GSG1: variants seen among roughly 807,000 people sequenced by gnomAD.
GSG1 encodes the protein germ cell-specific gene 1 protein.
A neutral mutation model predicts 30.8 loss-of-function variants in GSG1; 28 were observed. The observed-to-expected ratio is 0.91, with a 90% CI of 0.67 to 1.25. GSG1 has a LOEUF of 1.25. Among genes scored for constraint, GSG1 ranks in the 50% most tolerant of loss-of-function variants. The pLI is 0.00. For synonymous variants in GSG1, 162 were observed against 178.0 expected (o/e 0.91, Z 0.71); for missense variants, 435 against 444.7 (o/e 0.98, Z 0.20).
chr12:13,089,390 T>C (rs1187859756), intron 2 of GSG1, 114 bp from the exon 3 acceptor site: 2 of 1,516,290 alleles, frequency 1.3e-6, no homozygotes, highest in East Asian at 2.5e-5. Flanking sequence ...TGTTCATGAT[T>C]CTGGGCATTA....
intron 2 of GSG1, among the ~76,000 whole-genome samples, chr12:13,089,916 G>C (rs1413060390): frequency 1.3e-5 from 2 of 152,156 alleles, no homozygotes; most frequent in African/African-American, 4.8e-5. Flanking sequence ...GGGTATGGTG[G>C]CACATGCCTG....
chr12:13,084,234 G>A lies in GSG1; in HGVS notation c.*667C>T, dbSNP rs980891652. 6.6e-6 allele frequency: 1 copy of A among 152,160 alleles called. No individual in the cohort carries two copies. Among genetic ancestry groups the A allele is most frequent in the African/African-American group, 2.4e-5 (1 of 41,418 alleles). The allele number at this position is 152,160 out of a possible 1,614,324, so 9.4% of individuals were successfully genotyped here. ...GTCCCTGGTGTGACTGTCCAGAAGG[G>A]AACCACAGTCCAATCTGAATAGCCT... On this transcript the variant is annotated 3_prime_UTR_variant, in exon 7 of 7. Coordinates refer to ENST00000651961, the MANE Select transcript of GSG1 (RefSeq NM_001080555.4).
At chr12:13,092,982 G>A (rs1866299719) in intron 1 of GSG1, among the ~76,000 whole-genome samples, 1 of 151,502 alleles carries the variant, frequency 6.6e-6, no homozygotes, top group Non-Finnish European at 1.5e-5. Flanking sequence ...TTTTAGTAGA[G>A]ACGGGGTTTC....
intron 1 of GSG1, among the ~76,000 whole-genome samples, chr12:13,095,225 G>T (rs1866561024): frequency 6.6e-6 from 1 of 152,146 alleles, no homozygotes; most frequent in Non-Finnish European, 1.5e-5. Flanking sequence ...GCTAGGGTCG[G>T]GATACCTCTT....
chr12:13,095,754 G>T, intron 1 of GSG1: 1 of 1,541,318 alleles, frequency 6.5e-7, no homozygotes, highest in Non-Finnish European at 8.7e-7. Context: ...ATATTCTTTG[G>T]AGTGCCTCAT....
chr12:13,084,962 C>T lies in GSG1; in HGVS notation c.1028G>A (p.Arg343Lys), dbSNP rs1324076788. 6.4e-7 allele frequency: 1 copy of T among 1,551,932 alleles called. No individual in the cohort carries two copies. The highest frequency in any genetic ancestry group is 2.0e-5 in the Admixed American group (1 of 51,020). The change falls in exon 7 of 7, where the codon AGA becomes AAA. Residue 343 changes from arginine (R) to lysine (K), a missense_variant. Arg to Lys is a conservative substitution (Grantham distance 26). Transcript: ENST00000651961. Reference sequence around the variant, plus strand: ...TTCTTTCAGCTCCTGGCTGGCCCCTCTTTGAAATCCCTTGTTCCGCAGCTC... The same window carrying T: ...TTCTTTCAGCTCCTGGCTGGCCCCTTTTTGAAATCCCTTGTTCCGCAGCTC... Reference protein sequence around the residue: ...YSELRNKGFQRGASQELKEAV... With the variant: ...YSELRNKGFQKGASQELKEAV...
At chr12:13,092,346 C>A (rs1866232866) in intron 1 of GSG1, among the ~76,000 whole-genome samples, 1 of 152,134 alleles carries the variant, frequency 6.6e-6, no homozygotes, top group Non-Finnish European at 1.5e-5. Context: ...GCAGCCACTA[C>A]CTGGAGTTCT....
At chr12:13,091,397 A>G (rs547149128) in intron 1 of GSG1, among the ~76,000 whole-genome samples, 6 of 152,238 alleles carry the variant, frequency 3.9e-5, no homozygotes, top group Non-Finnish European at 8.8e-5. Context: ...TCCCCACTCA[A>G]TCTATTAACA....
chr12:13,084,932 A>G lies in GSG1; in HGVS notation c.1058T>C (p.Val353Ala). The G allele has an allele frequency of 6.4e-7, 1 of 1,551,474 alleles. No individual in the cohort carries two copies. Among genetic ancestry groups the G allele is most frequent in the South Asian group, 1.2e-5 (1 of 84,016 alleles). The change falls in exon 7 of 7, where the codon GTT (valine) becomes GCT (alanine). Residue 353 changes from valine (V) to alanine (A), a missense_variant. By Grantham distance (64) the Val-to-Ala change is moderately conservative. Coordinates refer to ENST00000651961, the MANE Select transcript of GSG1 (RefSeq NM_001080555.4). ...RGASQELKEAVRSSVEEEQC is the reference protein window; with the variant it reads ...RGASQELKEAARSSVEEEQC The stretch of plus-strand genomic sequence containing the variant: ...CTGCTCTTCCTCTACAGATGACCTA[A>G]CTGCTTCTTTCAGCTCCTGGCTGGC...
At chr12:13,097,608 T>A (rs1181926884) in intron 1 of GSG1, among the ~76,000 whole-genome samples, 1 of 152,184 alleles carries the variant, frequency 6.6e-6, no homozygotes, top group African/African-American at 2.4e-5. Context: ...TCGTTCTCAG[T>A]TCTGATGAAC....
At chr12:13,092,379 G>C (rs567741472) in intron 1 of GSG1, among the ~76,000 whole-genome samples, 2 of 152,308 alleles carry the variant, frequency 1.3e-5, no homozygotes, top group South Asian at 4.1e-4. Context: ...TTGAGCGAGA[G>C]AGAGAGAAGG....
At chr12:13,102,648 A>G (rs1863297559) in intron 1 of GSG1, among the ~76,000 whole-genome samples, 1 of 152,280 alleles carries the variant, frequency 6.6e-6, no homozygotes, top group Non-Finnish European at 1.5e-5. Flanking sequence ...TCAACAACAT[A>G]CCACATTGCT....
At chr12:13,088,218 C>A (rs1865729511) in intron 4 of GSG1, among the ~76,000 whole-genome samples, 159 bp from the exon 5 acceptor site, 1 of 152,182 alleles carries the variant, frequency 6.6e-6, no homozygotes, top group Non-Finnish European at 1.5e-5. Flanking sequence ...TACTTCATTT[C>A]TAGTCCTTTG....
In GSG1 at chr12:13,085,059, G is replaced by T; in HGVS notation, c.931C>A (p.Pro311Thr). ...RLSSAAPTVG[P>T]LTSYHQYHNQ... ...TGATACTGGTGGTAGCTGGTCAAAGGACCCACGGTGGGGGCTGCACTTGAC... is the reference window on the plus strand; with the variant it reads ...TGATACTGGTGGTAGCTGGTCAAAGTACCCACGGTGGGGGCTGCACTTGAC... The change falls in exon 7 of 7, where the codon CCT (proline) becomes ACT (threonine). Residue 311 changes from proline (P) to threonine (T), a missense_variant. By Grantham distance (38) the Pro-to-Thr change is conservative. Transcript: ENST00000651961. The T allele has an allele frequency of 6.2e-7, 1 of 1,603,706 alleles. No homozygotes were observed. The highest frequency in any genetic ancestry group is 8.5e-7 in the Non-Finnish European group (1 of 1,174,560).
At position 13,088,921 on chromosome 12, in the gene GSG1, A is replaced by G; in HGVS notation, c.434-12T>C. 1 of 1,613,976 alleles carries G rather than the reference A, an allele frequency of 6.2e-7. No individual in the cohort carries two copies. The highest frequency in any genetic ancestry group is 8.5e-7 in the Non-Finnish European group (1 of 1,179,904). On this transcript the variant is annotated splice_polypyrimidine_tract_variant and intron_variant, in intron 3 of 6. Coordinates refer to ENST00000651961, the MANE Select transcript of GSG1 (RefSeq NM_001080555.4). ...TCGGCACCTCTCCCCTGAAACATAC[A>G]AGGTACAACGTCATGGAGCTACTCC... is the stretch of plus-strand genomic sequence containing the variant.
At chr12:13,099,750 G>T (rs4583066) in intron 1 of GSG1, among the ~76,000 whole-genome samples, 11,659 of 114,514 alleles carry the variant, frequency 0.1, 652 homozygotes, top group East Asian at 0.27. Flanking sequence ...GTTTTTTTTT[G>T]TTTTTTTTTT....
chr12:13,087,590 T>C (rs1334584075), intron 5 of GSG1, among the ~76,000 whole-genome samples: 1 of 152,208 alleles, frequency 6.6e-6, no homozygotes, highest in Non-Finnish European at 1.5e-5. Context: ...TATATGTGCA[T>C]CTTTCACTTT....
intron 1 of GSG1, among the ~76,000 whole-genome samples, chr12:13,100,619 C>A (rs1863127409): frequency 6.6e-6 from 1 of 152,216 alleles, no homozygotes; most frequent in South Asian, 2.1e-4. Context: ...AACTTCTGAG[C>A]TTTTGCTGCT....
At chr12:13,092,243 A>ATGTG (rs909560122) in intron 1 of GSG1, among the ~76,000 whole-genome samples, 2 of 113,112 alleles carry the variant, frequency 1.8e-5, no homozygotes, top group African/African-American at 5.8e-5. Context: ...GGGAGGATGT[A>ATGTG]TGTGTGTGTG....
Sources: allele counts gnomAD v4.1 joint callset (sites outside exome capture counted in the v4.1 genomes callset), GRCh38; gene constraint gnomAD v4.1.1; transcripts MANE v1.5; gene names NCBI Gene and HGNC (gene_info 2026-07-23, HGNC 2026-07-21).